Variants in CNTN4 observed in about 807,000 individuals in gnomAD.
CNTN4 encodes contactin 4.
Under a neutral mutation model 122.5 loss-of-function variants are expected in CNTN4, and 77 were observed. That is an observed-to-expected ratio of 0.63 (90% CI 0.52 to 0.76). The LOEUF (loss-of-function observed/expected upper bound fraction) is 0.76. Ranked by LOEUF, CNTN4 falls within the 30% of genes least tolerant of loss-of-function variation. CNTN4 has a pLI of 0.00. For synonymous variants in CNTN4, 512 were observed against 447.0 expected (o/e 1.15, Z -1.83); for missense variants, 1,256 against 1,259.1 (o/e 1.00, Z 0.04).
chr3:2,510,006 C>A (rs2076837961), intron 3 of CNTN4, among the ~76,000 whole-genome samples: 1 of 152,102 alleles, frequency 6.6e-6, no homozygotes, highest in Admixed American at 6.5e-5. Flanking sequence ...TAAATAAGAC[C>A]ATTTCCTGCC....
intron 13 of CNTN4, among the ~76,000 whole-genome samples, chr3:2,961,985 G>A (rs2094865270): frequency 6.6e-6 from 1 of 152,090 alleles, no homozygotes; most frequent in Non-Finnish European, 1.5e-5. Context: ...TTTTAAGCTT[G>A]GGGAAAATAG....
chr3:2,481,067 T>TTCTTTCTTTCTTTCTTTCTTTCTTTCTC (rs1559592822), intron 3 of CNTN4, among the ~76,000 whole-genome samples: 1 of 144,122 alleles, frequency 6.9e-6, no homozygotes, highest in Non-Finnish European at 1.5e-5. Context: ...CTTTCTCTCT[T>TTCTTTCTTTCTTTCTTTCTTTCTTTCTC]TCTCTCTTTC....
intron 4 of CNTN4, among the ~76,000 whole-genome samples, chr3:2,660,163 T>C (rs1048748443): frequency 6.6e-6 from 1 of 152,044 alleles, no homozygotes; most frequent in Admixed American, 6.6e-5. Flanking sequence ...TCCTGAAAAC[T>C]GTAAAGCCAC....
chr3:2,699,344 C>T (rs2086228463), intron 4 of CNTN4, among the ~76,000 whole-genome samples: 1 of 152,160 alleles, frequency 6.6e-6, no homozygotes, highest in Non-Finnish European at 1.5e-5. Context: ...CCACTCGGTT[C>T]CTTCCTGAAT....
chr3:2,768,521 A>T (rs1482042449), intron 6 of CNTN4, among the ~76,000 whole-genome samples: 1 of 152,162 alleles, frequency 6.6e-6, no homozygotes, highest in Non-Finnish European at 1.5e-5. Flanking sequence ...AGAGCTTGTG[A>T]TTTAAACATG....
At chr3:2,229,052 C>G (rs148643049) in intron 2 of CNTN4, among the ~76,000 whole-genome samples, 179 of 152,148 alleles carry the variant, frequency 1.2e-3, no homozygotes, top group African/African-American at 4.2e-3. Flanking sequence ...AATGCATTAG[C>G]CTTGTAGAAT....
At chr3:2,364,265 C>CAT (rs1164271775) in intron 3 of CNTN4, among the ~76,000 whole-genome samples, 1 of 152,162 alleles carries the variant, frequency 6.6e-6, no homozygotes, top group Admixed American at 6.5e-5. Flanking sequence ...ATATTTATCT[C>CAT]AGAGTTGTTG....
chr3:2,903,545 A>G (rs1167522690), intron 12 of CNTN4, among the ~76,000 whole-genome samples: 1 of 152,082 alleles, frequency 6.6e-6, no homozygotes, highest in Admixed American at 6.6e-5. Context: ...TCTGCAGGCC[A>G]CTGGTACATA....
At chr3:2,796,576 C>A (rs1214474823) in intron 6 of CNTN4, among the ~76,000 whole-genome samples, 2 of 152,166 alleles carry the variant, frequency 1.3e-5, no homozygotes, top group African/African-American at 4.8e-5. Context: ...AGTTTTCTCA[C>A]TGCTACATTA....
chr3:2,248,804 C>G (rs146679312), intron 2 of CNTN4, among the ~76,000 whole-genome samples: 128 of 152,052 alleles, frequency 8.4e-4, no homozygotes, highest in African/African-American at 2.9e-3. Context: ...CGATATAAAA[C>G]AGGATATTGT....
intron 3 of CNTN4, among the ~76,000 whole-genome samples, chr3:2,408,423 G>C (rs1482961139): frequency 9.2e-5 from 14 of 152,294 alleles, no homozygotes; most frequent in Non-Finnish European, 2.9e-5. Flanking sequence ...AAAGTGGTAA[G>C]AGGTACAATT....
chr3:2,179,249 TG>T (rs1458403114), intron 2 of CNTN4, among the ~76,000 whole-genome samples: 1 of 152,016 alleles, frequency 6.6e-6, no homozygotes, highest in East Asian at 1.9e-4. Flanking sequence ...AAAATATTTC[TG>T]GTCAAATAAA....
chr3:2,929,630 C>T (rs1272304371), intron 13 of CNTN4, among the ~76,000 whole-genome samples: 3 of 152,186 alleles, frequency 2.0e-5, no homozygotes, highest in Non-Finnish European at 2.9e-5. Flanking sequence ...TCGCTCTCTT[C>T]CTGTCTCACC....
chr3:2,607,382 C>G (rs1212431110), intron 4 of CNTN4, among the ~76,000 whole-genome samples: 1 of 151,968 alleles, frequency 6.6e-6, no homozygotes, highest in African/African-American at 2.4e-5. Context: ...ATGGTAGAAG[C>G]AACCTAACTG....
intron 3 of CNTN4, among the ~76,000 whole-genome samples, chr3:2,475,185 G>T (rs982110019): frequency 5.3e-5 from 8 of 152,152 alleles, no homozygotes; most frequent in East Asian, 1.9e-4. Context: ...GGATTTTAAA[G>T]TTGTATCTGG....
intron 4 of CNTN4, among the ~76,000 whole-genome samples, chr3:2,652,115 C>T (rs1005445637): frequency 2.0e-5 from 3 of 151,432 alleles, no homozygotes; most frequent in Admixed American, 6.6e-5. Context: ...CAACATTTTT[C>T]GATTGCTGAG....
At chr3:2,946,456 T>G (rs1397221648) in intron 13 of CNTN4, among the ~76,000 whole-genome samples, 1 of 152,196 alleles carries the variant, frequency 6.6e-6, no homozygotes, top group African/African-American at 2.4e-5. Flanking sequence ...CATGTCTCAC[T>G]GTAAAGCAAT....
At chr3:3,048,336 T>C (rs1489197656) in intron 23 of CNTN4, among the ~76,000 whole-genome samples, 1 of 152,172 alleles carries the variant, frequency 6.6e-6, no homozygotes, top group African/African-American at 2.4e-5. Flanking sequence ...GTATTATGAG[T>C]AATCTAAAGT....
At chr3:2,856,844 T>C (rs1313770273) in intron 7 of CNTN4, among the ~76,000 whole-genome samples, 1 of 152,204 alleles carries the variant, frequency 6.6e-6, no homozygotes, top group Non-Finnish European at 1.5e-5. Context: ...GAATGTGAGC[T>C]GGATGCATTT....
Sources: gnomAD v4.1 joint callset for allele counts (sites outside exome capture counted in the v4.1 genomes callset) on GRCh38, gnomAD v4.1.1 for gene constraint, MANE v1.5 for transcripts, NCBI Gene and HGNC (gene_info 2026-07-23, HGNC 2026-07-21) for gene names.